Variants in CNBD1 observed in about 807,000 individuals in gnomAD.
CNBD1 encodes cyclic nucleotide-binding domain-containing protein 1.
A neutral mutation model predicts 54.4 loss-of-function variants in CNBD1; 71 were observed. That is an observed-to-expected ratio of 1.30 (90% CI 1.08 to 1.59). The LOEUF (loss-of-function observed/expected upper bound fraction) is 1.59. Among genes scored for constraint, CNBD1 ranks in the 40% most tolerant of loss-of-function variants. The pLI, the probability that CNBD1 is intolerant of heterozygous loss-of-function variation, is 0.00. For synonymous variants in CNBD1, 182 were observed against 170.7 expected (o/e 1.07, Z -0.51); for missense variants, 659 against 518.0 (o/e 1.27, Z -2.64).
chr8:87,238,310 A>C (rs927884813), intron 6 of CNBD1, among the ~76,000 whole-genome samples: 5 of 152,166 alleles, frequency 3.3e-5, no homozygotes, highest in African/African-American at 1.2e-4. Flanking sequence ...ACCAATGTGG[A>C]AACTCTACCC....
chr8:87,302,940 G>A (rs1362130342), intron 8 of CNBD1, among the ~76,000 whole-genome samples: 1 of 151,640 alleles, frequency 6.6e-6, no homozygotes, highest in Non-Finnish European at 1.5e-5. Flanking sequence ...GGATGTGAAG[G>A]ACCTCTTCAA....
intron 6 of CNBD1, among the ~76,000 whole-genome samples, chr8:87,259,940 A>C (rs769443426): frequency 3.0e-4 from 46 of 152,302 alleles, no homozygotes; most frequent in Non-Finnish European, 5.4e-4. Flanking sequence ...TACGAAAGGT[A>C]ACCTTCCAGG....
chr8:86,966,682 C>A (rs1189643700), intron 4 of CNBD1, among the ~76,000 whole-genome samples: 1 of 151,986 alleles, frequency 6.6e-6, no homozygotes, highest in East Asian at 1.9e-4. Context: ...GTTGTTAGTT[C>A]CTCCGGATAG....
At chr8:87,210,522 C>T (rs1023057505) in intron 5 of CNBD1, among the ~76,000 whole-genome samples, 6 of 152,176 alleles carry the variant, frequency 3.9e-5, no homozygotes, top group African/African-American at 1.4e-4. Context: ...GTTTTGTGGG[C>T]CTGGCACAGA....
At chr8:87,171,329 A>C (rs1813081334) in intron 4 of CNBD1, among the ~76,000 whole-genome samples, 1 of 151,926 alleles carries the variant, frequency 6.6e-6, no homozygotes, top group African/African-American at 2.4e-5. Flanking sequence ...CAGAGTAGCC[A>C]CTACTGATGC....
intron 10 of CNBD1, among the ~76,000 whole-genome samples, chr8:87,354,374 G>A (rs184691627): frequency 2.6e-5 from 4 of 151,844 alleles, no homozygotes; most frequent in Admixed American, 6.6e-5. Context: ...GCCTCATGAG[G>A]GTACTTTAAT....
At chr8:87,346,415 T>A (rs1810177170) in intron 8 of CNBD1, among the ~76,000 whole-genome samples, 1 of 151,926 alleles carries the variant, frequency 6.6e-6, no homozygotes, top group African/African-American at 2.4e-5. Context: ...TAATAATACT[T>A]TTATTAATTA....
At chr8:87,179,931 C>T (rs1454963138) in intron 4 of CNBD1, among the ~76,000 whole-genome samples, 4 of 152,174 alleles carry the variant, frequency 2.6e-5, no homozygotes. Context: ...AATCACAAGA[C>T]ATTTCCCAGG....
At chr8:87,335,806 T>C (rs1040359183) in intron 8 of CNBD1, among the ~76,000 whole-genome samples, 1 of 152,166 alleles carries the variant, frequency 6.6e-6, no homozygotes, top group Non-Finnish European at 1.5e-5. Context: ...GTGTCACTGG[T>C]CTTTATATTT....
intron 4 of CNBD1, among the ~76,000 whole-genome samples, chr8:87,149,624 A>C (rs1164406040): frequency 1.3e-5 from 2 of 152,144 alleles, no homozygotes; most frequent in South Asian, 2.1e-4. Flanking sequence ...TCTCTTGAGC[A>C]TATATAATTG....
intron 4 of CNBD1, among the ~76,000 whole-genome samples, chr8:87,177,305 C>T (rs1035882740): frequency 3.3e-5 from 5 of 152,082 alleles, no homozygotes; most frequent in Admixed American, 6.6e-5. Context: ...TGCCACTTAC[C>T]AAGAATAGAC....
intron 4 of CNBD1, among the ~76,000 whole-genome samples, chr8:87,064,021 A>G (rs1810596419): frequency 6.6e-6 from 1 of 151,988 alleles, no homozygotes; most frequent in African/African-American, 2.4e-5. Context: ...TTTCTCTTAT[A>G]TACAATCATA....
intron 10 of CNBD1, among the ~76,000 whole-genome samples, chr8:87,354,512 C>T (rs1477902449): frequency 6.6e-6 from 1 of 151,896 alleles, no homozygotes; most frequent in African/African-American, 2.4e-5. Flanking sequence ...CCCATTAACT[C>T]GTCATTTAGC....
chr8:87,033,225 A>T (rs898810374), intron 4 of CNBD1, among the ~76,000 whole-genome samples: 6 of 152,156 alleles, frequency 3.9e-5, no homozygotes, highest in African/African-American at 1.4e-4. Flanking sequence ...GCAGAGTACC[A>T]TGTGTAATAA....
chr8:87,006,519 C>G (rs1809100959), intron 4 of CNBD1, among the ~76,000 whole-genome samples: 1 of 151,946 alleles, frequency 6.6e-6, no homozygotes, highest in African/African-American at 2.4e-5. Flanking sequence ...TTTGGGGAGG[C>G]CTCATGAAGC....
chr8:87,223,596 G>T (rs1295916396), intron 5 of CNBD1, among the ~76,000 whole-genome samples: 1 of 152,044 alleles, frequency 6.6e-6, no homozygotes, highest in Non-Finnish European at 1.5e-5. Context: ...GCTACATAGT[G>T]TTCCATGGTG....
At chr8:87,365,621 G>T (rs113415656) in intron 10 of CNBD1, among the ~76,000 whole-genome samples, 2,866 of 151,966 alleles carry the variant, frequency 0.019, 89 homozygotes, top group African/African-American at 0.062. Flanking sequence ...TAACAATAAG[G>T]TCCACTTGTA....
intron 5 of CNBD1, among the ~76,000 whole-genome samples, chr8:87,206,421 A>T (rs535987681): frequency 2.6e-5 from 4 of 152,278 alleles, no homozygotes; most frequent in African/African-American, 9.6e-5. Context: ...GGGTTTAAAC[A>T]TCAGAATTTC....
intron 4 of CNBD1, among the ~76,000 whole-genome samples, chr8:86,992,612 C>T (rs1808778552): frequency 1.3e-5 from 2 of 152,022 alleles, no homozygotes; most frequent in Admixed American, 6.6e-5. Context: ...TGTCATTCTT[C>T]TGAATCCATG....
Sources: gnomAD v4.1 joint callset for allele counts (sites outside exome capture counted in the v4.1 genomes callset) on GRCh38, gnomAD v4.1.1 for gene constraint, MANE v1.5 for transcripts, NCBI Gene and HGNC (gene_info 2026-07-23, HGNC 2026-07-21) for gene names.